Variants in TENM1 observed in about 807,000 individuals in gnomAD.
The protein encoded by TENM1 is teneurin-1.
TENM1 carries 35 observed loss-of-function variants against 174.8 expected under a neutral mutation model. The observed-to-expected ratio is 0.20, with a 90% confidence interval of 0.15 to 0.27. TENM1 has a LOEUF of 0.27. Ranked by LOEUF, TENM1 falls within the 10% of genes least tolerant of loss-of-function variation. TENM1 has a pLI of 1.00. For synonymous variants in TENM1, 781 were observed against 798.7 expected, an observed-to-expected ratio of 0.98 and a Z score of 0.37; for missense variants, 1,633 against 2,130.1, an observed-to-expected ratio of 0.77 and a Z score of 4.59.
intron 3 of TENM1, among the ~76,000 whole-genome samples, chrX:124,834,425 G>A (rs985480111): frequency 8.1e-5 from 9 of 111,731 alleles, no homozygotes; most frequent in Non-Finnish European, 1.5e-4. Flanking sequence ...CACCTGCCTC[G>A]GCCTCCCAAA....
At chrX:124,694,294 C>G (rs772654841) in intron 5 of TENM1, among the ~76,000 whole-genome samples, 2 of 111,748 alleles carry the variant, frequency 1.8e-5, no homozygotes, top group South Asian at 7.5e-4. Context: ...TTGATCAAGT[C>G]TGCCATAGCT....
intron 3 of TENM1, among the ~76,000 whole-genome samples, chrX:124,805,241 T>A (rs750922399): frequency 2.7e-5 from 3 of 112,104 alleles, no homozygotes; most frequent in Non-Finnish European, 5.6e-5. Context: ...GTGAGAAGAA[T>A]AACATGAGTA....
the TENM1 span, among the ~76,000 whole-genome samples, chrX:125,093,428 G>A: frequency 6.3e-5 from 7 of 111,755 alleles, no homozygotes; most frequent in Admixed American, 9.5e-5. Context: ...CAGTCAACGT[G>A]CACCAGAGGT....
chrX:125,128,552 C>T, the TENM1 span, among the ~76,000 whole-genome samples: 1 of 111,468 alleles, frequency 9.0e-6, no homozygotes, highest in Admixed American at 9.6e-5. Context: ...AAAACGGTCA[C>T]GTGGCACTGC....
intron 3 of TENM1, among the ~76,000 whole-genome samples, chrX:124,826,270 G>C (rs1431349218): frequency 1.8e-5 from 2 of 109,939 alleles, no homozygotes; most frequent in Non-Finnish European, 3.8e-5. Context: ...TTAGCCTGGC[G>C]TGTTGGCAGA....
chrX:124,974,312 A>G, the TENM1 span, among the ~76,000 whole-genome samples: 4 of 111,660 alleles, frequency 3.6e-5, no homozygotes, highest in Non-Finnish European at 7.5e-5. Context: ...TCCAACACAT[A>G]AACTTTGGAG....
intron 11 of TENM1, among the ~76,000 whole-genome samples, chrX:124,614,325 A>G (rs986804863): frequency 1.8e-5 from 2 of 112,117 alleles, no homozygotes; most frequent in Admixed American, 9.4e-5. Context: ...ATCCCCCTAT[A>G]TGAAATCTCA....
At chrX:125,048,151 A>C in the TENM1 span, among the ~76,000 whole-genome samples, 252 of 111,413 alleles carry the variant, frequency 2.3e-3, 2 homozygotes, top group African/African-American at 7.6e-3. Flanking sequence ...TCAGTAAAAT[A>C]ATGTAGGTAA....
intron 3 of TENM1, among the ~76,000 whole-genome samples, chrX:124,855,357 C>T (rs1450737176): frequency 1.8e-5 from 2 of 111,013 alleles, no homozygotes; most frequent in Non-Finnish European, 3.8e-5. Flanking sequence ...AAAGTATATA[C>T]ACAAAACCAA....
At chrX:124,755,789 TTTTC>T (rs2054218849) in intron 3 of TENM1, among the ~76,000 whole-genome samples, 1 of 109,057 alleles carries the variant, frequency 9.2e-6, no homozygotes, top group African/African-American at 3.4e-5. Flanking sequence ...TTGAAAATTC[TTTTC>T]TTTAAGAATG....
the TENM1 span, among the ~76,000 whole-genome samples, chrX:125,119,507 T>C: frequency 2.7e-5 from 3 of 110,216 alleles, no homozygotes; most frequent in Non-Finnish European, 5.7e-5. Context: ...TTCTGCACTA[T>C]ACAAAGCAGA....
Position 124,413,660 on chromosome X carries a change from C to A in TENM1, c.4982+6651G>T, listed in dbSNP as rs1222000285. Among the ~76,000 whole-genome samples the A allele has an allele frequency of 4.5e-5, 5 of 112,312 alleles. No individual in the cohort carries two copies. The Admixed American group carries it at 4.7e-4, about 11-fold the overall frequency. On this transcript the variant is annotated intron_variant, in intron 25 of 31. Coordinates refer to ENST00000422452, the Ensembl canonical transcript of TENM1. The stretch of plus-strand genomic sequence containing the variant: ...ACTCACTCTTGATCCTTATCAAGGG[C>A]ATAAAGCACAAGGAGAGGTGACTGA...
At chrX:124,773,251 G>T (rs1406913280) in intron 3 of TENM1, among the ~76,000 whole-genome samples, 2 of 110,915 alleles carry the variant, frequency 1.8e-5, no homozygotes, top group Non-Finnish European at 3.8e-5. Context: ...GATGTATCAA[G>T]ATTTTTTTTT....
intron 11 of TENM1, among the ~76,000 whole-genome samples, chrX:124,591,178 A>G (rs184519810): frequency 1.7e-4 from 19 of 111,594 alleles, no homozygotes; most frequent in African/African-American, 6.2e-4. Flanking sequence ...TTGTTTTTTT[A>G]TCCAACTTGT....
the TENM1 span, among the ~76,000 whole-genome samples, chrX:125,123,688 C>G: frequency 1.8e-5 from 2 of 111,949 alleles, no homozygotes; most frequent in African/African-American, 6.5e-5. Flanking sequence ...TTTTTGTAGA[C>G]TGCTCCTCAA....
chrX:124,858,937 A>C (rs2056861975), intron 3 of TENM1, among the ~76,000 whole-genome samples: 1 of 111,422 alleles, frequency 9.0e-6, no homozygotes, highest in African/African-American at 3.3e-5. Context: ...TATATTTAAT[A>C]GTCCCAATCA....
intron 1 of TENM1, among the ~76,000 whole-genome samples, chrX:124,921,497 T>C (rs897033703): frequency 8.9e-6 from 1 of 111,976 alleles, no homozygotes; most frequent in African/African-American, 3.2e-5. Flanking sequence ...TTCTAACTCA[T>C]TGTTTCAAAA....
At chrX:124,970,959 A>C in the TENM1 span, among the ~76,000 whole-genome samples, 1 of 109,944 alleles carries the variant, frequency 9.1e-6, no homozygotes, top group African/African-American at 3.3e-5. Context: ...TGCAGCCATA[A>C]AAAAGGATGA....
At chrX:124,693,540 G>A (rs913290258) in intron 5 of TENM1, among the ~76,000 whole-genome samples, 6 of 109,910 alleles carry the variant, frequency 5.5e-5, no homozygotes, top group African/African-American at 1.7e-4. Context: ...TTCTCCCTTC[G>A]TCATCAGTCA....
Sources: gnomAD v4.1 joint callset for allele counts (sites outside exome capture counted in the v4.1 genomes callset) on GRCh38, gnomAD v4.1.1 for gene constraint, MANE v1.5 for transcripts, NCBI Gene and HGNC (gene_info 2026-07-23, HGNC 2026-07-21) for gene names.